ARFGEF3: variants seen among roughly 807,000 people sequenced by gnomAD.
ARFGEF3 encodes the protein ARFGEF family member 3, also known as brefeldin A-inhibited guanine nucleotide-exchange protein 3.
A neutral mutation model predicts 221.7 loss-of-function variants in ARFGEF3; 96 were observed. The ratio of observed to expected loss-of-function variants is 0.43; its 90% CI spans 0.37 to 0.51. The LOEUF (loss-of-function observed/expected upper bound fraction) is 0.51. Among genes scored for constraint, ARFGEF3 ranks in the 20% least tolerant of loss-of-function variants. The pLI is 0.00. For synonymous variants in ARFGEF3, 1,145 were observed against 1,126.8 expected, an observed-to-expected ratio of 1.02 and a Z score of -0.32; for missense variants, 2,410 against 2,789.9, an observed-to-expected ratio of 0.86 and a Z score of 3.07.
chr6:138,232,279 G>T (rs1482567823), intron 5 of ARFGEF3, among the ~76,000 whole-genome samples: 2 of 152,216 alleles, frequency 1.3e-5, no homozygotes, highest in African/African-American at 4.8e-5. Flanking sequence ...GGCCGAGACA[G>T]GCGGATCACC....
In ARFGEF3 at chr6:138,242,970, G is replaced by A. The variant is rs771507152; in HGVS notation, c.562G>A (p.Val188Ile). 3 of 1,612,534 alleles carry A rather than the reference G, an allele frequency of 1.9e-6. No individual in the cohort carries two copies. In the South Asian group the frequency reaches 3.3e-5, roughly 18 times the overall value. ...TTACTAGATAATTGAAAACCCAGAT[G>A]TCCCACAGGATTTCGGGAATCAAGG... The part of the protein sequence containing the change: ...QENTIIENPD[V>I]PQDFGNQGST... The change falls in exon 7 of 34, where the codon GTC becomes ATC. Residue 188 changes from valine to isoleucine, a missense_variant. By Grantham distance (29) the Val-to-Ile change is conservative (BLOSUM62 3). Coordinates refer to ENST00000251691, the MANE Select transcript of ARFGEF3 (RefSeq NM_020340.5).
At chr6:138,211,210 T>A (rs1777720539) in intron 4 of ARFGEF3, among the ~76,000 whole-genome samples, 2 of 152,156 alleles carry the variant, frequency 1.3e-5, no homozygotes, top group Middle Eastern at 3.2e-3. Context: ...TTTAGAAATG[T>A]TATATATCAC....
rs546568394 is a variant in ARFGEF3 at position 138,314,487 on chromosome 6, A to G, written c.4345+548A>G. 6.6e-5 allele frequency among the ~76,000 whole-genome samples: 10 copies of G among 152,288 alleles called. No individual in the cohort carries two copies. In the South Asian group the frequency reaches 1.7e-3, roughly 25 times the overall value. ...TGCGGAATACATTAATGCCATCCCA[A>G]TAGTCCCAAAGCCTTAACTTGTTTC... On this transcript the variant is annotated intron_variant, in intron 26 of 33. Transcript: ENST00000251691.
At chr6:138,272,357 A>G (rs770369979) in intron 12 of ARFGEF3, among the ~76,000 whole-genome samples, 51 of 152,114 alleles carry the variant, frequency 3.4e-4, no homozygotes, top group Non-Finnish European at 4.4e-4. Flanking sequence ...TGGTTTCACC[A>G]TGTTGGTCAG....
chr6:138,212,134 T>C (rs1049725043), intron 4 of ARFGEF3, among the ~76,000 whole-genome samples: 45 of 152,268 alleles, frequency 3.0e-4, no homozygotes, highest in Non-Finnish European at 5.3e-4. Flanking sequence ...TCTGTATACA[T>C]TGTGGAATGC....
rs1396604754 is a variant in ARFGEF3 at position 138,291,309 on chromosome 6, T to C, written c.3048-424T>C. ...GGCCTCTCCGTCATAGGTATAGCCA[T>C]TCTGGGATCCCATCGTAGGGAAACG... On this transcript the variant is annotated intron_variant, in intron 18 of 33. Coordinates refer to ENST00000251691, the MANE Select transcript of ARFGEF3 (RefSeq NM_020340.5). This position sits in a 1 kb window ranked among gnomAD's most constrained non-coding sequence, Gnocchi z 4.5. Among the ~76,000 whole-genome samples, 1 of 152,056 alleles carries C rather than the reference T, an allele frequency of 6.6e-6. No homozygotes were observed. Among genetic ancestry groups the C allele is most frequent in the Non-Finnish European group, 1.5e-5 (1 of 68,014 alleles).
At chr6:138,212,755 T>C (rs1354445961) in intron 4 of ARFGEF3, among the ~76,000 whole-genome samples, 1 of 152,112 alleles carries the variant, frequency 6.6e-6, no homozygotes, top group Non-Finnish European at 1.5e-5. Context: ...AAACCATCAT[T>C]CTCAGCAAAC....
At chr6:138,181,868 C>G (rs573971009) in intron 2 of ARFGEF3, among the ~76,000 whole-genome samples, 1 of 152,174 alleles carries the variant, frequency 6.6e-6, no homozygotes, top group Non-Finnish European at 1.5e-5. Context: ...TCGTTTCAAA[C>G]TGTGCCTCTG....
chr6:138,286,592 A>G (rs1188412373), intron 15 of ARFGEF3, 109 bp from the exon 16 acceptor site: 1 of 794,224 alleles, frequency 1.3e-6, no homozygotes, highest in African/African-American at 1.7e-5. Flanking sequence ...CCTGTTGTAG[A>G]ATTGCATGCA....
chr6:138,258,271 G>A (rs940361073), intron 10 of ARFGEF3, among the ~76,000 whole-genome samples: 1 of 152,074 alleles, frequency 6.6e-6, no homozygotes, highest in Admixed American at 6.6e-5. Flanking sequence ...TATTCCTGTG[G>A]GTCACTCCCC....
At chr6:138,233,095 T>G (rs567718798) in intron 5 of ARFGEF3, among the ~76,000 whole-genome samples, 1 of 152,318 alleles carries the variant, frequency 6.6e-6, no homozygotes, top group South Asian at 2.1e-4. Flanking sequence ...CTCAAGTGTT[T>G]ATTCATTTCA....
chr6:138,207,248 TA>T (rs1329884944), intron 3 of ARFGEF3, 125 bp downstream of exon 3: 1 of 699,056 alleles, frequency 1.4e-6, no homozygotes, highest in African/African-American at 1.8e-5. Context: ...TTGATTGAAC[TA>T]GGAAATAACT....
chr6:138,208,390 T>A (rs1012956765), intron 3 of ARFGEF3, among the ~76,000 whole-genome samples: 3 of 151,244 alleles, frequency 2.0e-5, no homozygotes, highest in African/African-American at 7.3e-5. Context: ...AAAAAAAAAA[T>A]CCTTTTGAAA....
intron 19 of ARFGEF3, among the ~76,000 whole-genome samples, chr6:138,292,893 A>T (rs1216132141): frequency 3.9e-5 from 6 of 152,210 alleles, no homozygotes; most frequent in Non-Finnish European, 5.9e-5. Context: ...AGAATCTGGA[A>T]AGTAATATAC....
intron 12 of ARFGEF3, among the ~76,000 whole-genome samples, chr6:138,268,596 A>G (rs1262110234): frequency 6.6e-6 from 1 of 152,202 alleles, no homozygotes. Flanking sequence ...TACGTTTTTT[A>G]TAAAGACAGT....
At chr6:138,311,538 G>A (rs562174394) in intron 25 of ARFGEF3, 28 bp downstream of exon 25, 76 of 1,512,202 alleles carry the variant, frequency 5.0e-5, no homozygotes, top group South Asian at 2.9e-4. Flanking sequence ...CTGGGCTCCC[G>A]GCCTGGAAAC....
intron 4 of ARFGEF3, among the ~76,000 whole-genome samples, chr6:138,211,784 A>G (rs544676631): frequency 3.3e-5 from 5 of 152,204 alleles, no homozygotes; most frequent in Admixed American, 6.5e-5. Context: ...AGTCGCACCT[A>G]TTTTGAAAAC....
chr6:138,165,306 G>A (rs559318927), intron 1 of ARFGEF3, among the ~76,000 whole-genome samples: 3 of 149,496 alleles, frequency 2.0e-5, no homozygotes, highest in Non-Finnish European at 4.5e-5. Flanking sequence ...ACCCTCATAA[G>A]AGAGAGGGGC....
intron 32 of ARFGEF3, among the ~76,000 whole-genome samples, chr6:138,328,680 C>A (rs1243737195): frequency 6.6e-6 from 1 of 151,584 alleles, no homozygotes; most frequent in Non-Finnish European, 1.5e-5. Context: ...GAACACAGCC[C>A]AACCCATGAT....
Sources: gnomAD v4.1 joint callset for allele counts (sites outside exome capture counted in the v4.1 genomes callset) on GRCh38, gnomAD v4.1.1 for gene constraint, Gnocchi (gnomAD v3.1) non-coding constraint, MANE v1.5 for transcripts, NCBI Gene and HGNC (gene_info 2026-07-23, HGNC 2026-07-21) for gene names.